The following TULP4 variants were observed in gnomAD, a reference collection of about 807,000 sequenced individuals.
TULP4 encodes the protein tubby-related protein 4.
Under a neutral mutation model 129.0 loss-of-function variants are expected in TULP4, and 16 were observed. The observed-to-expected ratio is 0.12, with a 90% CI of 0.08 to 0.19. The LOEUF is 0.19. Among genes scored for constraint, TULP4 ranks in the 10% least tolerant of loss-of-function variants. The pLI, the probability that TULP4 is intolerant of heterozygous loss-of-function variation, is 1.00. For synonymous variants in TULP4, 998 were observed against 854.0 expected (o/e 1.17, Z -2.94); for missense variants, 1,842 against 2,059.1 (o/e 0.89, Z 2.04).
At chr6:158,279,006 C>T (rs1490834331), upstream of TULP4, among the ~76,000 whole-genome samples, 14 of 143,802 alleles carry the variant, frequency 9.7e-5, no homozygotes, top group Non-Finnish European at 2.0e-4. Flanking sequence ...GTGGCGTGAT[C>T]TCGGCTCACT....
chr6:158,312,257 A>G (rs1054412392), upstream of TULP4: 4 of 396,738 alleles, frequency 1.0e-5, no homozygotes, highest in African/African-American at 6.2e-5. Flanking sequence ...TTAATTTAAG[A>G]ATCAGATGGA....
At chr6:158,394,273 A>G (rs1189177120) in intron 1 of TULP4, among the ~76,000 whole-genome samples, 1 of 152,164 alleles carries the variant, frequency 6.6e-6, no homozygotes, top group Non-Finnish European at 1.5e-5. Context: ...TATTGTCGGT[A>G]TCACTATCAG....
intron 1 of TULP4, among the ~76,000 whole-genome samples, chr6:158,399,845 G>A (rs892404220): frequency 8.5e-5 from 13 of 152,156 alleles, no homozygotes; most frequent in Non-Finnish European, 1.8e-4. Context: ...TGTACTCAAA[G>A]TTCTTTAGCA....
chr6:158,347,935 T>C (rs1196938022), intron 1 of TULP4, among the ~76,000 whole-genome samples: 2 of 152,158 alleles, frequency 1.3e-5, no homozygotes, highest in African/African-American at 4.8e-5. Context: ...GTAAGTGTTT[T>C]CTAAATTGCA....
chr6:158,441,133 T>C (rs1778887764), intron 3 of TULP4, among the ~76,000 whole-genome samples: 1 of 152,094 alleles, frequency 6.6e-6, no homozygotes, highest in South Asian at 2.1e-4. Flanking sequence ...CCAGCCAACG[T>C]GGTGAAACCC....
chr6:158,281,959 T>C (rs4710200), upstream of TULP4, among the ~76,000 whole-genome samples: 49,682 of 151,784 alleles, frequency 0.33, 9,061 homozygotes, highest in Admixed American at 0.45. Flanking sequence ...TTGTGTAATC[T>C]ATCCTGAGTC....
intron 1 of TULP4, among the ~76,000 whole-genome samples, chr6:158,370,110 G>T (rs902267630): frequency 2.0e-5 from 3 of 152,106 alleles, no homozygotes; most frequent in African/African-American, 7.2e-5. Flanking sequence ...TACTTGGGAG[G>T]CTGACACAGG....
intron 1 of TULP4, among the ~76,000 whole-genome samples, chr6:158,349,104 C>T (rs1395571339): frequency 3.1e-4 from 41 of 131,750 alleles, no homozygotes; most frequent in Non-Finnish European, 5.5e-4. Flanking sequence ...ATGGGGCAGC[C>T]GGGCAGAGGC....
intron 1 of TULP4, among the ~76,000 whole-genome samples, chr6:158,252,744 A>G (rs1220861107): frequency 6.6e-6 from 1 of 152,204 alleles, no homozygotes; most frequent in East Asian, 1.9e-4. Context: ...TTAATTGAAC[A>G]CTAGACTTCT....
At chr6:158,404,668 C>T (rs531122202) in intron 1 of TULP4, among the ~76,000 whole-genome samples, 16 of 150,942 alleles carry the variant, frequency 1.1e-4, no homozygotes, top group Non-Finnish European at 1.9e-4. Context: ...CCCAGCTACT[C>T]AGGAGGCTGA....
chr6:158,481,556 G>T (rs780572237), intron 8 of TULP4: 3 of 525,676 alleles, frequency 5.7e-6, no homozygotes, highest in African/African-American at 5.7e-5. Context: ...GGAAGTTGGC[G>T]CAGTCCTCCT....
intron 1 of TULP4, among the ~76,000 whole-genome samples, chr6:158,371,540 G>C (rs1177903350): frequency 6.6e-6 from 1 of 152,182 alleles, no homozygotes; most frequent in Non-Finnish European, 1.5e-5. Flanking sequence ...AAAGCACTCA[G>C]TGGTCATTTT....
chr6:158,245,843 C>G (rs1778018475), intron 1 of TULP4, among the ~76,000 whole-genome samples: 1 of 152,132 alleles, frequency 6.6e-6, no homozygotes, highest in African/African-American at 2.4e-5. Flanking sequence ...AGATGCTGAA[C>G]AACTAGGCTT....
At chr6:158,426,669 T>C (rs1361836094) in intron 2 of TULP4, among the ~76,000 whole-genome samples, 1 of 152,210 alleles carries the variant, frequency 6.6e-6, no homozygotes, top group Admixed American at 6.5e-5. Flanking sequence ...TCCAGCTTTG[T>C]TCTTTTTGCT....
At chr6:158,395,225 C>T (rs1453165325) in intron 1 of TULP4, among the ~76,000 whole-genome samples, 9 of 152,156 alleles carry the variant, frequency 5.9e-5, no homozygotes, top group Non-Finnish European at 1.3e-4. Context: ...CTGGGTTGAT[C>T]TGTAAAATTT....
chr6:158,336,863 G>T (rs1413422541), intron 1 of TULP4, among the ~76,000 whole-genome samples: 1 of 151,836 alleles, frequency 6.6e-6, no homozygotes, highest in Non-Finnish European at 1.5e-5. Context: ...TAAGGTTCTT[G>T]CCTGTTAAAC....
chr6:158,429,809 G>T lies in TULP4; in HGVS notation c.455G>T (p.Gly152Val). Residue 152 changes from glycine to valine, a missense_variant, in exon 3 of 14, where the codon GGG becomes GTG. Transcript: ENST00000367097. The part of the protein sequence containing the change: ...ISYRDGFVLV[G>V]SVSGQRHWSS... Reference sequence around the variant, plus strand: ...TATCGAGATGGGTTTGTCCTGGTTGGGTCTGTCAGTGGACAAAGACACTGG... The same window carrying T: ...TATCGAGATGGGTTTGTCCTGGTTGTGTCTGTCAGTGGACAAAGACACTGG... The T allele has an allele frequency of 6.2e-7, 1 of 1,613,986 alleles. No individual in the cohort carries two copies.
Position 158,257,174 on chromosome 6 carries a change from C to T in TULP4, n.68+24871C>T, listed in dbSNP as rs118039271. ...TGTTACTCATTTCAGAAGATGCCTA[C>T]TTTGTTTGACAACCCCTGCCCCCTC... is the stretch of plus-strand genomic sequence containing the variant. On this transcript the variant is annotated intron_variant and non_coding_transcript_variant, in intron 1 of 1. Coordinates refer to the TULP4 transcript ENST00000620026. Among the ~76,000 whole-genome samples the T allele has an allele frequency of 2.6e-5, 4 of 152,234 alleles. No homozygotes were observed. In the East Asian group the frequency reaches 7.7e-4, roughly 29 times the overall value.
chr6:158,452,223 A>G lies in TULP4; in HGVS notation c.814A>G (p.Asn272Asp), dbSNP rs1562572044. 6.2e-7 allele frequency: 1 copy of G among 1,614,208 alleles called. No individual in the cohort carries two copies. ...FTSGDISLMN[N>D]YDDLSPTVIR... ...CTCGGGAGACATCAGCTTAATGAACAACTACGATGACTTGTCTCCCACGGT... is the reference window on the plus strand; with the variant it reads ...CTCGGGAGACATCAGCTTAATGAACGACTACGATGACTTGTCTCCCACGGT... Residue 272 changes from asparagine (N) to aspartate (D), a missense_variant, in exon 5 of 14, where the codon AAC becomes GAC. Asn to Asp is a conservative substitution (Grantham distance 23). Coordinates refer to ENST00000367097, the MANE Select transcript of TULP4 (RefSeq NM_020245.5).
Sources: gnomAD v4.1 joint callset for allele counts (sites outside exome capture counted in the v4.1 genomes callset) on GRCh38, gnomAD v4.1.1 for gene constraint, MANE v1.5 for transcripts, NCBI Gene and HGNC (gene_info 2026-07-23, HGNC 2026-07-21) for gene names.